Variants in TENM4 observed in about 807,000 individuals in gnomAD.
TENM4 encodes the protein teneurin transmembrane protein 4, also known as teneurin-4.
A neutral mutation model predicts 243.3 loss-of-function variants in TENM4; 82 were observed. The observed-to-expected ratio is 0.34, with a 90% CI of 0.28 to 0.40. The LOEUF is 0.40. TENM4 is among the 10% of genes least tolerant of loss of function. TENM4 has a pLI of 1.00. For missense variants in TENM4, 3,138 were observed against 3,673.3 expected, an observed-to-expected ratio of 0.85 and a Z score of 3.77; for synonymous variants, 1,412 against 1,456.3, an observed-to-expected ratio of 0.97 and a Z score of 0.69.
intron 26 of TENM4, among the ~76,000 whole-genome samples, chr11:78,712,272 C>G (rs1288269262): frequency 6.6e-6 from 1 of 152,154 alleles, no homozygotes; most frequent in Non-Finnish European, 1.5e-5. Context: ...ACTACATACA[C>G]ACAAACACTT....
At chr11:78,923,693 C>CTTTT (rs1172776088) in intron 6 of TENM4, among the ~76,000 whole-genome samples, 4,498 of 53,654 alleles carry the variant, frequency 0.084, 999 homozygotes, top group East Asian at 0.19. Context: ...ATGCACCTGG[C>CTTTT]TTTTTTTTTT....
At chr11:79,434,144 C>T (rs1459704872) in intron 1 of TENM4, among the ~76,000 whole-genome samples, 1 of 152,222 alleles carries the variant, frequency 6.6e-6, no homozygotes, top group Non-Finnish European at 1.5e-5. Flanking sequence ...AAAGCACCCT[C>T]TGATTGATTG....
intron 1 of TENM4, among the ~76,000 whole-genome samples, chr11:79,351,366 A>G (rs1390405675): frequency 6.6e-6 from 1 of 152,152 alleles, no homozygotes; most frequent in Non-Finnish European, 1.5e-5. Flanking sequence ...TTTAGTGTCT[A>G]TCCCACTGCC....
intron 4 of TENM4, among the ~76,000 whole-genome samples, chr11:79,108,621 A>C (rs192490767): frequency 1.3e-5 from 2 of 152,336 alleles, no homozygotes; most frequent in East Asian, 3.9e-4. Context: ...CAAAATTAGC[A>C]TCACCGATGA....
chr11:79,379,835 A>G (rs769221573), intron 1 of TENM4, among the ~76,000 whole-genome samples: 3 of 152,162 alleles, frequency 2.0e-5, no homozygotes, highest in Non-Finnish European at 4.4e-5. Flanking sequence ...AGGAAAAATG[A>G]GACAGCTTCT....
At chr11:78,891,044 G>T (rs776711078) in intron 8 of TENM4, among the ~76,000 whole-genome samples, 194 bp downstream of exon 8, 2 of 152,212 alleles carry the variant, frequency 1.3e-5, no homozygotes, top group Non-Finnish European at 2.9e-5. Flanking sequence ...ATATTAACAA[G>T]ACTGCTGTTA....
chr11:79,434,790 C>T (rs1859237029), intron 1 of TENM4, among the ~76,000 whole-genome samples: 2 of 152,150 alleles, frequency 1.3e-5, no homozygotes, highest in South Asian at 4.1e-4. Context: ...TCATGTGTGA[C>T]AGAAGCTTTA....
Position 78,729,578 on chromosome 11 carries a change from G to A in TENM4, c.3204C>T (p.Thr1068=), listed in dbSNP as rs760620228. 1.2e-6 allele frequency: 2 copies of A among 1,613,888 alleles called. No individual in the cohort carries two copies. The highest frequency in any genetic ancestry group is 3.3e-5 in the Admixed American group (2 of 60,004). Residue 1068 remains threonine, a synonymous_variant, in exon 22 of 34, where the codon ACC becomes ACT. Coordinates refer to ENST00000278550, the MANE Select transcript of TENM4 (RefSeq NM_001098816.3). ...TCCTCAGGACAGATTTGTAGCCAGG[G>A]GTCCGGCTGCTCAGGTAGCTCAGCC... ...KMRLSYLSSR[T]PGYKSVLRIS... is the part of the protein sequence containing the mutation.
intron 4 of TENM4, among the ~76,000 whole-genome samples, chr11:79,071,080 C>T (rs1376907588): frequency 6.6e-6 from 1 of 152,214 alleles, no homozygotes; most frequent in Non-Finnish European, 1.5e-5. Flanking sequence ...TTCTGCCCTA[C>T]ACTGACACCC....
In TENM4 at chr11:78,902,510, G is replaced by C. The variant is rs117452834; in HGVS notation, c.749+758C>G. Among the ~76,000 whole-genome samples, 704 of 152,304 alleles carry C rather than the reference G, an allele frequency of 4.6e-3. 2 individuals carry two copies. The highest frequency in any genetic ancestry group is 0.027 in the Middle Eastern group (8 of 294). On this transcript the variant is annotated intron_variant, in intron 7 of 33. Transcript: ENST00000278550. ...GGTGTAGGTGAAGCAGCACTGGACA[G>C]GGAGTCAGGCAACCTGAGTTCAAGT... is the stretch of plus-strand genomic sequence containing the variant.
Position 79,323,565 on chromosome 11 carries a change from T to C in TENM4, c.-320-26022A>G, listed in dbSNP as rs117037514. ...ATTTTGTGAGTCAACTTGATTAAACTATGGTACCCAATCGCTTGGTCAAAC... is the reference window on the plus strand; with the variant it reads ...ATTTTGTGAGTCAACTTGATTAAACCATGGTACCCAATCGCTTGGTCAAAC... On this transcript the variant is annotated intron_variant, in intron 1 of 33. Transcript: ENST00000278550. Among the ~76,000 whole-genome samples, 961 of 152,340 alleles carry C rather than the reference T, an allele frequency of 6.3e-3. 3 individuals carry two copies. The highest frequency in any genetic ancestry group is 0.011 in the Non-Finnish European group (721 of 68,032).
intron 3 of TENM4, among the ~76,000 whole-genome samples, chr11:79,163,281 A>G (rs1194826337): frequency 1.3e-5 from 2 of 152,122 alleles, no homozygotes; most frequent in African/African-American, 4.8e-5. Flanking sequence ...GAATATAACA[A>G]TTGTTATATT....
chr11:79,059,955 C>T (rs1860044334), intron 6 of TENM4, among the ~76,000 whole-genome samples: 1 of 152,334 alleles, frequency 6.6e-6, no homozygotes, highest in East Asian at 1.9e-4. Context: ...TATTAAAGAG[C>T]TGCAAGGTGG....
chr11:79,135,473 C>A (rs1383847316), intron 4 of TENM4, among the ~76,000 whole-genome samples: 1 of 151,936 alleles, frequency 6.6e-6, no homozygotes, highest in Non-Finnish European at 1.5e-5. Flanking sequence ...GTAGAACTAC[C>A]ATTTGACCAA....
At chr11:79,362,052 A>T (rs1857598809) in intron 1 of TENM4, among the ~76,000 whole-genome samples, 1 of 152,208 alleles carries the variant, frequency 6.6e-6, no homozygotes, top group Non-Finnish European at 1.5e-5. Flanking sequence ...CTTCTGGATG[A>T]GATTCTTGCA....
At chr11:78,919,058 G>A (rs1435656336) in intron 6 of TENM4, among the ~76,000 whole-genome samples, 5 of 152,096 alleles carry the variant, frequency 3.3e-5, no homozygotes, top group Admixed American at 2.0e-4. Flanking sequence ...ATGAATTTTT[G>A]TATTCCTAAT....
In TENM4 at chr11:78,854,237, C is replaced by T; in HGVS notation, c.1548G>A (p.Gln516=). 2 of 1,551,320 alleles carry T rather than the reference C, an allele frequency of 1.3e-6. No homozygotes were observed. Among genetic ancestry groups the T allele is most frequent in the Non-Finnish European group, 1.7e-6 (2 of 1,146,834 alleles). ...TGGAGGGGGGCACAGTTCCCCGAGA[C>T]TGGCGCGGGGTCCCCTCTAGGCTCC... ...EARSLEGTPR[Q]SRGTVPPSSH... Residue 516 remains glutamine, a synonymous_variant, in exon 12 of 34, where the codon CAG becomes CAA. Transcript: ENST00000278550.
chr11:78,952,058 C>G (rs1399950502), intron 6 of TENM4, among the ~76,000 whole-genome samples: 1 of 152,146 alleles, frequency 6.6e-6, no homozygotes, highest in Non-Finnish European at 1.5e-5. Flanking sequence ...TCAGGGCAAA[C>G]TGTTTAGTGT....
At position 78,658,813 on chromosome 11, in the gene TENM4, T is replaced by C. The variant is rs747430578; in HGVS notation, c.7555A>G (p.Ile2519Val). 1.9e-6 allele frequency: 3 copies of C among 1,607,806 alleles called. No homozygotes were observed. The highest frequency in any genetic ancestry group is 2.2e-5 in the East Asian group (1 of 44,692). ...TGTACTTCACACTGTACCCCGAGGATAGACTGATGGGGGAGGAGAGTGAGA... is the reference window on the plus strand; with the variant it reads ...TGTACTTCACACTGTACCCCGAGGACAGACTGATGGGGGAGGAGAGTGAGA... The part of the protein sequence containing the change: ...KTQEWDNSKS[I>V]LGVQCEVQKQ... Residue 2519 changes from isoleucine to valine, a missense_variant, in exon 34 of 34, where the codon ATC becomes GTC. Transcript: ENST00000278550.
Sources: allele counts gnomAD v4.1 joint callset (sites outside exome capture counted in the v4.1 genomes callset), GRCh38; gene constraint gnomAD v4.1.1; transcripts MANE v1.5; gene names NCBI Gene and HGNC (gene_info 2026-07-23, HGNC 2026-07-21).